The following PPFIA2 variants were observed in gnomAD, a reference collection of about 807,000 sequenced individuals.
The protein encoded by PPFIA2 is liprin-alpha-2.
PPFIA2 carries 46 observed loss-of-function variants against 175.5 expected under a neutral mutation model. The ratio of observed to expected loss-of-function variants is 0.26; its 90% CI spans 0.21 to 0.34. The LOEUF (loss-of-function observed/expected upper bound fraction) is 0.34, where lower values mean the gene tolerates loss of function less well. Among genes scored for constraint, PPFIA2 ranks in the 10% least tolerant of loss-of-function variants. The pLI is 1.00. For missense variants in PPFIA2, 1,179 were observed against 1,506.1 expected (o/e 0.78, Z 3.60); for synonymous variants, 568 against 511.4 (o/e 1.11, Z -1.49).
intron 7 of PPFIA2, among the ~76,000 whole-genome samples, chr12:81,423,459 T>C (rs1444446686): frequency 6.6e-6 from 1 of 151,954 alleles, no homozygotes; most frequent in Non-Finnish European, 1.5e-5. Flanking sequence ...CACAAATCAA[T>C]CAATATGATA....
chr12:81,605,391 TG>T (rs2060187948), intron 4 of PPFIA2, among the ~76,000 whole-genome samples: 1 of 150,836 alleles, frequency 6.6e-6, no homozygotes, highest in African/African-American at 2.4e-5. Context: ...AGTAGGTAAA[TG>T]GGAAAGATGA....
chr12:81,445,586 C>G lies in PPFIA2; in HGVS notation c.540G>C (p.Leu180Phe). 1 of 1,613,774 alleles carries G rather than the reference C, an allele frequency of 6.2e-7. No homozygotes were observed. Among genetic ancestry groups the G allele is most frequent in the Non-Finnish European group, 8.5e-7 (1 of 1,179,810 alleles). The change falls in exon 6 of 33, where the codon TTG becomes TTC. Residue 180 changes from leucine (L) to phenylalanine (F), a missense_variant. Around this residue, in one of 10 missense-constraint regions of PPFIA2, gnomAD observed 49 missense variants for 108.9 expected, o/e 0.45. Transcript: ENST00000549396. ...CATCCAAGGCCTTGTGGTGCTCAAA[C>G]AAAGATTTCAGTGCCTTGAGAACTT... ...EVEVLKALKS[L>F]FEHHKALDEK... is the part of the protein sequence containing the mutation.
At chr12:81,400,202 A>T (rs561222487) in intron 8 of PPFIA2, among the ~76,000 whole-genome samples, 32 of 152,260 alleles carry the variant, frequency 2.1e-4, no homozygotes, top group Admixed American at 9.8e-4. Flanking sequence ...TCACACTATG[A>T]TATCTCAATA....
intron 8 of PPFIA2, among the ~76,000 whole-genome samples, chr12:81,386,985 C>T (rs1017524627): frequency 2.0e-5 from 3 of 152,106 alleles, no homozygotes; most frequent in African/African-American, 7.2e-5. Context: ...AAAATGCACA[C>T]ATGCCCATTC....
At chr12:81,681,834 T>A (rs1057314782) in intron 3 of PPFIA2, among the ~76,000 whole-genome samples, 1 of 151,952 alleles carries the variant, frequency 6.6e-6, no homozygotes, top group African/African-American at 2.4e-5. Context: ...ATAAAATAAT[T>A]TGGCTATCGA....
intron 11 of PPFIA2, among the ~76,000 whole-genome samples, chr12:81,373,143 G>A (rs961338969): frequency 6.6e-6 from 1 of 151,684 alleles, no homozygotes; most frequent in African/African-American, 2.4e-5. Context: ...TTTCTGAATT[G>A]TAAATTGTGT....
At chr12:81,422,911 A>C (rs1371454516) in intron 7 of PPFIA2, among the ~76,000 whole-genome samples, 1 of 152,076 alleles carries the variant, frequency 6.6e-6, no homozygotes, top group African/African-American at 2.4e-5. Flanking sequence ...AAAATTAATA[A>C]ATTTAATAAA....
chr12:81,389,288 T>C (rs2039656777), intron 8 of PPFIA2, among the ~76,000 whole-genome samples: 1 of 151,458 alleles, frequency 6.6e-6, no homozygotes. Context: ...TCTGTGCACC[T>C]GCGCTCCATT....
intron 3 of PPFIA2, among the ~76,000 whole-genome samples, chr12:81,744,231 G>T (rs1389132276): frequency 6.6e-6 from 1 of 151,936 alleles, no homozygotes; most frequent in African/African-American, 2.4e-5. Context: ...GGATCTTATA[G>T]TCTATAAAAT....
At chr12:81,661,822 A>C (rs2068936404) in intron 4 of PPFIA2, among the ~76,000 whole-genome samples, 1 of 152,216 alleles carries the variant, frequency 6.6e-6, no homozygotes, top group African/African-American at 2.4e-5. Context: ...CAGCAAATCT[A>C]AAAGAACAGA....
rs1001708062 is a variant in PPFIA2, at chr12:81,688,632, G to C, written c.250-11788C>G. On this transcript the variant is annotated intron_variant, in intron 3 of 32. Coordinates refer to ENST00000549396, the MANE Select transcript of PPFIA2 (RefSeq NM_003625.5). ...AAAAAACTTGGAGATTAGCCTATCG[G>C]AAGTGATTTTTGTAAGAGGGAAGAA... 4.6e-5 allele frequency among the ~76,000 whole-genome samples: 7 copies of C among 150,764 alleles called. No homozygotes were observed. In the Admixed American group the frequency reaches 4.6e-4, roughly 10 times the overall value.
At chr12:81,261,734 G>A (rs923490909) in intron 32 of PPFIA2, among the ~76,000 whole-genome samples, 2 of 152,114 alleles carry the variant, frequency 1.3e-5, no homozygotes, top group Admixed American at 6.6e-5. Flanking sequence ...GCCTCCAACA[G>A]GCAGACCTTA....
chr12:81,354,844 A>G (rs558087870), intron 16 of PPFIA2, among the ~76,000 whole-genome samples: 12 of 152,110 alleles, frequency 7.9e-5, no homozygotes, highest in African/African-American at 2.9e-4. Flanking sequence ...AGATTTCACC[A>G]TGTTGGCCAG....
Position 81,266,980 on chromosome 12 carries a change from G to A in PPFIA2, c.3527C>T (p.Ala1176Val), listed in dbSNP as rs1431907149. 1 of 1,612,966 alleles carries A rather than the reference G, an allele frequency of 6.2e-7. No individual in the cohort carries two copies. Among genetic ancestry groups the A allele is most frequent in the South Asian group, 1.1e-5 (1 of 90,982 alleles). The change falls in exon 30 of 33, where the codon GCC becomes GTC. Residue 1176 changes from alanine to valine, a missense_variant. Ala to Val is a moderately conservative substitution (Grantham distance 64). This residue lies in a region of PPFIA2 where 245 missense variants were observed against 375.1 expected (regional missense o/e 0.65). Transcript: ENST00000549396. ...ILEREYNNLLALGTERRLDES... is the reference protein window; with the variant it reads ...ILEREYNNLLVLGTERRLDES... ...ATCCAGTCGCCTTTCAGTTCCCAGG[G>A]CCAAGAGGTTATTGTATTCTCTTTC...
intron 18 of PPFIA2, 72 bp downstream of exon 18, chr12:81,347,461 C>T (rs2140605845): frequency 1.6e-6 from 2 of 1,280,334 alleles, no homozygotes; most frequent in East Asian, 2.3e-5. Context: ...AGAACAAACA[C>T]CCAGTTAAGT....
At chr12:81,346,531 T>A (rs1253291533) in intron 18 of PPFIA2, among the ~76,000 whole-genome samples, 1 of 149,734 alleles carries the variant, frequency 6.7e-6, no homozygotes, top group Non-Finnish European at 1.5e-5. Flanking sequence ...TATATTTTTA[T>A]AATAAAATTT....
At chr12:81,587,725 T>C (rs893370050) in intron 4 of PPFIA2, among the ~76,000 whole-genome samples, 2 of 151,998 alleles carry the variant, frequency 1.3e-5, no homozygotes, top group African/African-American at 4.8e-5. Context: ...GTCAAAGCAC[T>C]TCTGTTTATC....
chr12:81,622,600 C>T lies in PPFIA2; in HGVS notation c.303+54191G>A, dbSNP rs550816540. On this transcript the variant is annotated intron_variant, in intron 4 of 32. Transcript: ENST00000549396. The stretch of plus-strand genomic sequence containing the variant: ...ATCCTTGAAGCATCTGGACATATCC[C>T]TAGAGCCTGGGTAAAGCTTATGAAC... 3.8e-4 allele frequency among the ~76,000 whole-genome samples: 58 copies of T among 152,202 alleles called. 1 individual carries two copies. Among genetic ancestry groups the T allele is most frequent in the Middle Eastern group, 3.4e-3 (1 of 294 alleles).
At chr12:81,296,887 CTTTTGGGG>C in intron 23 of PPFIA2, 1 of 152,072 alleles carries the variant, frequency 6.6e-6, no homozygotes, top group South Asian at 2.1e-4. Flanking sequence ...TAATCTCCTT[CTTTTGGGG>C]GTAGGATTGG....
Sources: allele counts gnomAD v4.1 joint callset (sites outside exome capture counted in the v4.1 genomes callset), GRCh38; gene constraint gnomAD v4.1.1; regional missense constraint gnomAD v4.1.1; transcripts MANE v1.5; gene names NCBI Gene and HGNC (gene_info 2026-07-23, HGNC 2026-07-21).